The following WDR77 variants were observed in gnomAD, a reference collection of about 807,000 sequenced individuals.
The protein encoded by WDR77 is methylosome protein WDR77.
In WDR77, 31 loss-of-function variants were observed where a neutral mutation model predicts 44.0. That is an observed-to-expected ratio of 0.70 (90% CI 0.53 to 0.95). WDR77 has a LOEUF of 0.95. Among genes scored for constraint, WDR77 ranks in the 40% least tolerant of loss-of-function variants. The pLI, the probability that WDR77 is intolerant of heterozygous loss-of-function variation, is 0.00. For missense variants in WDR77, 390 were observed against 423.9 expected, an observed-to-expected ratio of 0.92 and a Z score of 0.70; for synonymous variants, 186 against 165.7, an observed-to-expected ratio of 1.12 and a Z score of -0.94.
intron 9 of WDR77, chr1:111,441,634 A>G: frequency 1.6e-6 from 2 of 1,262,978 alleles, no homozygotes; most frequent in Non-Finnish European, 2.0e-6. Context: ...GATGAGGGGC[A>G]GTAACAGGCA....
At chr1:111,441,559 C>T in intron 9 of WDR77, 170 bp from the exon 10 acceptor site, 1 of 1,300,774 alleles carries the variant, frequency 7.7e-7, no homozygotes, top group Non-Finnish European at 9.8e-7. Context: ...CAGTGGATGT[C>T]ATCAGTCATC....
chr1:111,447,676 AAGTT>A (rs1653105105), intron 2 of WDR77, 100 bp from the exon 3 acceptor site: 1 of 1,430,046 alleles, frequency 7.0e-7, no homozygotes, highest in African/African-American at 1.4e-5. Context: ...TTAACAAAGT[AAGTT>A]AGTTATTCCT....
chr1:111,444,045 A>C lies in WDR77; in HGVS notation c.564+9T>G. 6.2e-7 allele frequency: 1 copy of C among 1,614,164 alleles called. No individual in the cohort carries two copies. The highest frequency in any genetic ancestry group is 1.3e-5 in the African/African-American group (1 of 75,052). ...GAGTGTGTTTAGGGAAGAAGGAGCT[A>C]TCTCTTACCTCGCTGCATGAAAGAA... On this transcript the variant is annotated intron_variant, in intron 5 of 9. Transcript: ENST00000235090.
intron 3 of WDR77, 118 bp downstream of exon 3, chr1:111,447,317 C>T: frequency 6.6e-7 from 1 of 1,517,970 alleles, no homozygotes; most frequent in Non-Finnish European, 9.0e-7. Context: ...TATAGACATG[C>T]TAAAATAAGT....
chr1:111,442,418 C>T (rs933101482), intron 8 of WDR77, among the ~76,000 whole-genome samples: 1 of 152,160 alleles, frequency 6.6e-6, no homozygotes, highest in Admixed American at 6.5e-5. Context: ...GGGTGTTGGG[C>T]AGGAATGAAA....
Position 111,447,101 on chromosome 1 carries a change from A to G in WDR77, c.487T>C (p.Tyr163His), listed in dbSNP as rs761247074. ...AAAATGAAAGAATACTCACCTCGGT[A>G]TGAACTCAGTACCACCTGCTGAGCA... ...DLAQQVVLSS[Y>H]RAHAAQVTCV... The change falls in exon 4 of 10, where the codon TAC (tyrosine) becomes CAC (histidine). Residue 163 changes from tyrosine (Y) to histidine (H), a missense_variant. Tyr to His is a moderately conservative substitution (Grantham distance 83, BLOSUM62 2). Coordinates refer to ENST00000235090, the MANE Select transcript of WDR77 (RefSeq NM_024102.4). The G allele has an allele frequency of 6.2e-7, 1 of 1,614,236 alleles. No homozygotes were observed. Among genetic ancestry groups the G allele is most frequent in the South Asian group, 1.1e-5 (1 of 91,076 alleles).
At position 111,441,351 on chromosome 1, in the gene WDR77, G is replaced by A. The variant is rs777063243; in HGVS notation, c.908C>T (p.Ala303Val). 22 of 1,561,636 alleles carry A rather than the reference G, an allele frequency of 1.4e-5. No individual in the cohort carries two copies. The highest frequency in any genetic ancestry group is 1.7e-4 in the Middle Eastern group (1 of 5,856). ...SQAHRDFVRD[A>V]TWSPLNHSLL... ...GGAGTGATTGAGCGGGGACCAAGTC[G>A]CATCTCTCACAAAGTCTCTGTGGGC... Residue 303 changes from alanine to valine, a missense_variant, in exon 10 of 10, where the codon GCG becomes GTG. Transcript: ENST00000235090.
Position 111,441,358 on chromosome 1 carries a change from T to G in WDR77, c.901A>C (p.Arg301=). ...FRSQAHRDFV[R]DATWSPLNHS... Reference sequence around the variant, plus strand: ...TTGAGCGGGGACCAAGTCGCATCTCTCACAAAGTCTCTGTGGGCTTGGCTT... The same window carrying G: ...TTGAGCGGGGACCAAGTCGCATCTCGCACAAAGTCTCTGTGGGCTTGGCTT... The change falls in exon 10 of 10, where the codon AGA becomes CGA. Residue 301 remains arginine (R), a synonymous_variant. Coordinates refer to ENST00000235090, the MANE Select transcript of WDR77 (RefSeq NM_024102.4). The G allele has an allele frequency of 6.4e-7, 1 of 1,556,888 alleles. No individual in the cohort carries two copies. The highest frequency in any genetic ancestry group is 8.7e-7 in the Non-Finnish European group (1 of 1,147,852).
intron 3 of WDR77, 58 bp from the exon 4 acceptor site, chr1:111,447,202 G>A (rs774226015): frequency 3.8e-6 from 6 of 1,597,348 alleles, no homozygotes; most frequent in Admixed American, 1.7e-5. Context: ...ACATAAAAAC[G>A]TGTTCAAACA....
At position 111,447,199 on chromosome 1, in the gene WDR77, A is replaced by G. The variant is rs1653076999; in HGVS notation, c.444-55T>C. On this transcript the variant is annotated intron_variant, in intron 3 of 9. Coordinates refer to ENST00000235090, the MANE Select transcript of WDR77 (RefSeq NM_024102.4). ...TCTTGACCTACACTATCAACATAAA[A>G]ACGTGTTCAAACAAGAACTTCCTGT... is the stretch of plus-strand genomic sequence containing the variant. 1.0e-5 allele frequency: 16 copies of G among 1,599,652 alleles called. No individual in the cohort carries two copies. In the South Asian group the frequency reaches 1.6e-4, roughly 16 times the overall value.
chr1:111,446,963 A>G, intron 4 of WDR77, 132 bp downstream of exon 4: 1 of 884,410 alleles, frequency 1.1e-6, no homozygotes, highest in Non-Finnish European at 1.8e-6. Context: ...AGGAGTAGAT[A>G]CCGGAGCCTG....
rs902746773 is a variant in WDR77, at chr1:111,440,916, TG to T, written c.*313del. On this transcript the variant is annotated 3_prime_UTR_variant, in exon 10 of 10. Coordinates refer to ENST00000235090, the MANE Select transcript of WDR77 (RefSeq NM_024102.4). ...ATAAAACCCTTTCGTCAACTTGTTT[TG>T]GGGGGTGAGAGAGAGGCAGTGCTTA... The T allele has an allele frequency of 1.6e-5, 3 of 185,846 alleles. No individual in the cohort carries two copies. Among genetic ancestry groups the T allele is most frequent in the Non-Finnish European group, 3.3e-5 (3 of 90,958 alleles). The allele number at this position is 185,846 out of a possible 1,614,324, so 11.5% of individuals were successfully genotyped here.
At chr1:111,441,746 T>C in intron 9 of WDR77, 1 of 635,308 alleles carries the variant, frequency 1.6e-6, no homozygotes, top group East Asian at 3.4e-5. Flanking sequence ...TGTGAGAGGG[T>C]AGACTGCCGC....
At chr1:111,443,548 T>G (rs982982040) in intron 6 of WDR77, 154 bp from the exon 7 acceptor site, 4 of 823,638 alleles carry the variant, frequency 4.9e-6, no homozygotes, top group Admixed American at 6.2e-5. Context: ...TCATAACCAT[T>G]TATCCCAGCA....
At chr1:111,443,080 A>G (rs1027801894) in intron 7 of WDR77, among the ~76,000 whole-genome samples, 12 of 152,364 alleles carry the variant, frequency 7.9e-5, no homozygotes, top group Admixed American at 2.6e-4. Flanking sequence ...AGCCATGCCC[A>G]GAATACAGAA....
rs1369496868 is a variant in WDR77 at position 111,448,611 on chromosome 1, T to G, written c.301+8A>C. 1 of 1,614,110 alleles carries G rather than the reference T, an allele frequency of 6.2e-7. No homozygotes were observed. The highest frequency in any genetic ancestry group is 2.2e-5 in the East Asian group (1 of 44,860). Reference sequence around the variant, plus strand: ...GGGGTGGGGGTGGATAATGGGATAGTGACTCACCTGAATCGGAGGCCACTA... The same window carrying G: ...GGGGTGGGGGTGGATAATGGGATAGGGACTCACCTGAATCGGAGGCCACTA... On this transcript the variant is annotated splice_region_variant and intron_variant, in intron 2 of 9. Transcript: ENST00000235090.
chr1:111,446,499 T>A (rs1213160643), intron 4 of WDR77, among the ~76,000 whole-genome samples: 1 of 151,500 alleles, frequency 6.6e-6, no homozygotes, highest in Non-Finnish European at 1.5e-5. Flanking sequence ...GGAAATGGAG[T>A]AAAAGGGCTT....
At chr1:111,445,566 C>G (rs551602185) in intron 4 of WDR77, among the ~76,000 whole-genome samples, 6 of 152,112 alleles carry the variant, frequency 3.9e-5, no homozygotes, top group African/African-American at 1.4e-4. Flanking sequence ...TTGAGACCAG[C>G]CTGGGCAACA....
intron 4 of WDR77, 32 bp downstream of exon 4, chr1:111,447,063 A>G (rs1450467891): frequency 1.9e-6 from 3 of 1,613,148 alleles, no homozygotes; most frequent in South Asian, 1.1e-5. Flanking sequence ...CACAACAGCT[A>G]ACACCAGGGC....
Sources: gnomAD v4.1 joint callset for allele counts (sites outside exome capture counted in the v4.1 genomes callset) on GRCh38, gnomAD v4.1.1 for gene constraint, MANE v1.5 for transcripts, NCBI Gene and HGNC (gene_info 2026-07-23, HGNC 2026-07-21) for gene names.